EPB41L3: variants seen among roughly 807,000 people sequenced by gnomAD.
EPB41L3 encodes band 4.1-like protein 3.
Under a neutral mutation model 127.1 loss-of-function variants are expected in EPB41L3, and 57 were observed. The observed-to-expected ratio is 0.45, with a 90% CI of 0.36 to 0.56. The LOEUF (loss-of-function observed/expected upper bound fraction) is 0.56. Ranked by LOEUF, EPB41L3 falls within the 20% of genes least tolerant of loss-of-function variation. The pLI is 0.00. For synonymous variants in EPB41L3, 572 were observed against 549.5 expected, an observed-to-expected ratio of 1.04 and a Z score of -0.57; for missense variants, 1,273 against 1,372.2, an observed-to-expected ratio of 0.93 and a Z score of 1.14.
intron 3 of EPB41L3, among the ~76,000 whole-genome samples, chr18:5,584,842 A>C (rs1269331223): frequency 1.3e-5 from 2 of 152,226 alleles, no homozygotes; most frequent in Admixed American, 1.3e-4. Flanking sequence ...AATCTGTAGC[A>C]AATTGAAACG....
intron 1 of EPB41L3, among the ~76,000 whole-genome samples, chr18:5,502,318 C>A (rs1410790095): frequency 3.3e-5 from 5 of 151,612 alleles, no homozygotes; most frequent in South Asian, 4.2e-4. Context: ...AAAAAAAAAC[C>A]TGAAAGGCTG....
At chr18:5,452,343 AAAATTGGTTTACAC>A (rs1391876285) in intron 3 of EPB41L3, among the ~76,000 whole-genome samples, 2 of 151,990 alleles carry the variant, frequency 1.3e-5, no homozygotes, top group South Asian at 2.1e-4. Flanking sequence ...GCATTACAGT[AAAATTGGTTTACAC>A]AGACACAAGT....
In EPB41L3 at chr18:5,489,225, A is replaced by G. The variant is rs1485641699; in HGVS notation, c.-11-31T>C. On this transcript the variant is annotated intron_variant, in intron 1 of 22. Transcript: ENST00000341928. ...AGCAGAAAAAAGGGAAGAGCAGGTC[A>G]CTCCGTGCCACTACCTTCCCTCTGC... 1.9e-6 allele frequency: 3 copies of G among 1,567,664 alleles called. No homozygotes were observed. The East Asian group carries it at 7.1e-5, about 37-fold the overall frequency.
chr18:5,447,421 T>G (rs1206057216), intron 3 of EPB41L3, among the ~76,000 whole-genome samples: 1 of 151,036 alleles, frequency 6.6e-6, no homozygotes, highest in Non-Finnish European at 1.5e-5. Context: ...GATGCCTGCT[T>G]ACTACCTAAT....
At chr18:5,566,448 A>G (rs1032371763) in intron 3 of EPB41L3, among the ~76,000 whole-genome samples, 2 of 152,214 alleles carry the variant, frequency 1.3e-5, no homozygotes, top group Non-Finnish European at 2.9e-5. Context: ...ACCACTGCTT[A>G]ATGAAATAAA....
At chr18:5,484,053 T>TGTC (rs1163161458) in intron 2 of EPB41L3, among the ~76,000 whole-genome samples, 2 of 106,320 alleles carry the variant, frequency 1.9e-5, no homozygotes, top group African/African-American at 7.2e-5. Context: ...GAACAGACCA[T>TGTC]GTCTTAGGCT....
At chr18:5,587,151 C>G (rs1257221493) in intron 3 of EPB41L3, among the ~76,000 whole-genome samples, 2 of 152,052 alleles carry the variant, frequency 1.3e-5, no homozygotes, top group Non-Finnish European at 2.9e-5. Flanking sequence ...TCTTAGGCAG[C>G]TTTGTGGAAA....
At chr18:5,450,197 T>C (rs974263357) in intron 3 of EPB41L3, among the ~76,000 whole-genome samples, 1 of 151,976 alleles carries the variant, frequency 6.6e-6, no homozygotes, top group African/African-American at 2.4e-5. Context: ...GAGGGATGAA[T>C]AGGCGGCTAA....
chr18:5,429,935 G>A (rs1252371179), intron 8 of EPB41L3, among the ~76,000 whole-genome samples: 1 of 152,094 alleles, frequency 6.6e-6, no homozygotes, highest in African/African-American at 2.4e-5. Context: ...TTACGCCATC[G>A]GCAGAGTGCA....
At chr18:5,471,459 T>C (rs1446154963) in intron 3 of EPB41L3, among the ~76,000 whole-genome samples, 1 of 152,124 alleles carries the variant, frequency 6.6e-6, no homozygotes, top group African/African-American at 2.4e-5. Flanking sequence ...CAACTGGAGA[T>C]AAAAATATGA....
At chr18:5,411,478 T>G (rs572464583) in intron 13 of EPB41L3, among the ~76,000 whole-genome samples, 1 of 152,268 alleles carries the variant, frequency 6.6e-6, no homozygotes, top group South Asian at 2.1e-4. Context: ...TTGAGGAGAA[T>G]GAGAACAGTA....
Position 5,397,040 on chromosome 18 carries a change from ACATT to A in EPB41L3, c.2841+14_2841+17del. Reference sequence around the variant, plus strand: ...CAGTTTTATTTTAGTGATAAAAGTAACATTTACTACTAGTTACCTCAAAATGAGG... The same window carrying A: ...CAGTTTTATTTTAGTGATAAAAGTAATACTACTAGTTACCTCAAAATGAGG... On this transcript the variant is annotated intron_variant, in intron 18 of 22. Transcript: ENST00000341928. The surrounding 1 kb of genome is among the most constrained non-coding windows in gnomAD (Gnocchi z 4.1). The A allele has an allele frequency of 1.9e-6, 3 of 1,559,450 alleles. No homozygotes were observed. Among genetic ancestry groups the A allele is most frequent in the Non-Finnish European group, 2.6e-6 (3 of 1,157,116 alleles).
At chr18:5,416,946 G>T (rs2076901892) in intron 12 of EPB41L3, among the ~76,000 whole-genome samples, 1 of 151,982 alleles carries the variant, frequency 6.6e-6, no homozygotes, top group Non-Finnish European at 1.5e-5. Context: ...AGAAGTTTCT[G>T]GCCCCACTCC....
At chr18:5,484,703 G>A (rs189110363) in intron 2 of EPB41L3, among the ~76,000 whole-genome samples, 15 of 151,978 alleles carry the variant, frequency 9.9e-5, no homozygotes, top group African/African-American at 3.4e-4. Flanking sequence ...CGACTATTAT[G>A]AACAACTATA....
intron 3 of EPB41L3, among the ~76,000 whole-genome samples, chr18:5,591,559 A>T (rs540749119): frequency 4.3e-4 from 66 of 152,342 alleles, no homozygotes; most frequent in Admixed American, 7.8e-4. Flanking sequence ...GGATTTCAAC[A>T]TATGAATTTT....
At chr18:5,396,956 G>T in intron 18 of EPB41L3, 102 bp downstream of exon 18, 1 of 1,236,132 alleles carries the variant, frequency 8.1e-7, no homozygotes, top group African/African-American at 1.5e-5. Flanking sequence ...CATGGGAGAG[G>T]CAGAAAATTA....
At chr18:5,583,648 C>A (rs1245667338) in intron 3 of EPB41L3, among the ~76,000 whole-genome samples, 1 of 152,116 alleles carries the variant, frequency 6.6e-6, no homozygotes, top group Non-Finnish European at 1.5e-5. Flanking sequence ...GAAAATGATT[C>A]ATATATTTAA....
chr18:5,488,932 C>G (rs2090233163), intron 2 of EPB41L3, 69 bp downstream of exon 2: 1 of 1,485,710 alleles, frequency 6.7e-7, no homozygotes. Context: ...GGCTAAGAGA[C>G]CAAGGTTAAA....
At chr18:5,615,971 G>T (rs927006755) in intron 1 of EPB41L3, among the ~76,000 whole-genome samples, 1 of 151,964 alleles carries the variant, frequency 6.6e-6, no homozygotes, top group Non-Finnish European at 1.5e-5. Flanking sequence ...TTCCTTCTGG[G>T]GGTCTTCCAG....
Sources: gnomAD v4.1 joint callset for allele counts (sites outside exome capture counted in the v4.1 genomes callset) on GRCh38, gnomAD v4.1.1 for gene constraint, Gnocchi (gnomAD v3.1) non-coding constraint, MANE v1.5 for transcripts, NCBI Gene and HGNC (gene_info 2026-07-23, HGNC 2026-07-21) for gene names.